Variants in CCDC171 observed in about 807,000 individuals in gnomAD.
CCDC171 encodes coiled-coil domain containing 171.
Under a neutral mutation model 168.2 loss-of-function variants are expected in CCDC171, and 177 were observed. The ratio of observed to expected loss-of-function variants is 1.05; its 90% CI spans 0.93 to 1.19. CCDC171 has a LOEUF of 1.19. CCDC171 is among the 50% of genes most tolerant of loss of function. The pLI is 0.00. For missense variants in CCDC171, 1,991 were observed against 1,539.0 expected (o/e 1.29, Z -4.91); for synonymous variants, 687 against 540.8 (o/e 1.27, Z -3.75).
intron 8 of CCDC171, among the ~76,000 whole-genome samples, chr9:15,665,889 T>G (rs1452476419): frequency 6.6e-6 from 1 of 152,246 alleles, no homozygotes; most frequent in Non-Finnish European, 1.5e-5. Context: ...TGTATCTACA[T>G]ATCTATTTTT....
At chr9:15,601,350 AT>A (rs1388840875) in intron 6 of CCDC171, among the ~76,000 whole-genome samples, 1 of 152,180 alleles carries the variant, frequency 6.6e-6, no homozygotes, top group African/African-American at 2.4e-5. Context: ...TATATATGTC[AT>A]TATTGAAAAT....
intron 12 of CCDC171, 27 bp from the exon 13 acceptor site, chr9:15,723,654 C>G (rs1026066111): frequency 6.4e-7 from 1 of 1,554,224 alleles, no homozygotes. Context: ...TTTCTTTCAT[C>G]AGCTAAACAG....
chr9:15,561,618 T>G (rs1317004764), intron 1 of CCDC171, among the ~76,000 whole-genome samples: 2 of 152,128 alleles, frequency 1.3e-5, no homozygotes, highest in African/African-American at 4.8e-5. Context: ...TCCTTGCCTT[T>G]TTACCTGGTG....
At chr9:16,051,851 T>C (rs1488310295) in intron 1 of CCDC171, among the ~76,000 whole-genome samples, 1 of 152,202 alleles carries the variant, frequency 6.6e-6, no homozygotes, top group Non-Finnish European at 1.5e-5. Flanking sequence ...GAAAGTGGAT[T>C]AATGGACTCA....
At chr9:15,628,634 T>A (rs560664131) in intron 7 of CCDC171, among the ~76,000 whole-genome samples, 62 of 152,320 alleles carry the variant, frequency 4.1e-4, no homozygotes, top group Middle Eastern at 3.4e-3. Context: ...CAGTAACCTC[T>A]GCAGACTTAA....
intron 6 of CCDC171, among the ~76,000 whole-genome samples, chr9:15,597,393 A>C (rs1335224243): frequency 6.6e-6 from 1 of 152,152 alleles, no homozygotes; most frequent in Non-Finnish European, 1.5e-5. Flanking sequence ...TTCTGCATTT[A>C]TTGAGATAAT....
intron 7 of CCDC171, among the ~76,000 whole-genome samples, chr9:15,636,258 T>A (rs1232130566): frequency 6.6e-6 from 1 of 152,254 alleles, no homozygotes; most frequent in East Asian, 1.9e-4. Flanking sequence ...TTGGCAAGGA[T>A]AAACTTCCTC....
rs2133097475 is a variant in CCDC171, at chr9:15,663,617, T to C, written c.916-2546T>C. Reference sequence around the variant, plus strand: ...AATTTTCTTTTTTTTTCTTTTTTTTTTTTTTTGAGAGGGAGTATCGCTCTG... The same window carrying C: ...AATTTTCTTTTTTTTTCTTTTTTTTCTTTTTTGAGAGGGAGTATCGCTCTG... On this transcript the variant is annotated intron_variant, in intron 8 of 25. Transcript: ENST00000380701. 2.0e-5 allele frequency among the ~76,000 whole-genome samples: 3 copies of C among 151,262 alleles called. 1 individual carries two copies. In the South Asian group the frequency reaches 6.3e-4, roughly 32 times the overall value.
chr9:15,755,872 G>A (rs2056077826), intron 18 of CCDC171, among the ~76,000 whole-genome samples: 1 of 152,108 alleles, frequency 6.6e-6, no homozygotes, highest in South Asian at 2.1e-4. Context: ...TTTAAAATTG[G>A]TTGTGGTTAT....
At chr9:15,586,702 CTGGAGATGGCGAAA>C (rs889043062) in intron 4 of CCDC171, among the ~76,000 whole-genome samples, 4 of 152,136 alleles carry the variant, frequency 2.6e-5, no homozygotes, top group Non-Finnish European at 4.4e-5. Context: ...GGTTTAATCC[CTGGAGATGGCGAAA>C]TAGAGTCTTT....
At chr9:15,959,170 T>A (rs144753307) in intron 25 of CCDC171, among the ~76,000 whole-genome samples, 288 of 152,262 alleles carry the variant, frequency 1.9e-3, no homozygotes, top group African/African-American at 5.4e-3. Context: ...GGCTGCTGAA[T>A]AGCTTTGTGT....
intron 24 of CCDC171, among the ~76,000 whole-genome samples, chr9:15,880,252 T>G (rs956397781): frequency 6.6e-6 from 1 of 152,208 alleles, no homozygotes; most frequent in African/African-American, 2.4e-5. Context: ...TAATAGTAAG[T>G]TATCAAAAAG....
intron 16 of CCDC171, among the ~76,000 whole-genome samples, chr9:15,730,017 T>G (rs1257191995): frequency 2.6e-5 from 4 of 152,048 alleles, no homozygotes; most frequent in African/African-American, 9.7e-5. Flanking sequence ...TGGAAATATA[T>G]GGGTTTCTGA....
intron 6 of CCDC171, among the ~76,000 whole-genome samples, chr9:15,614,163 G>A (rs1235365929): frequency 6.6e-6 from 1 of 152,166 alleles, no homozygotes; most frequent in Non-Finnish European, 1.5e-5. Flanking sequence ...CCTTCTCAGG[G>A]ACTAGGCTTA....
chr9:15,934,871 G>A (rs1043075040), intron 25 of CCDC171, among the ~76,000 whole-genome samples: 1 of 152,026 alleles, frequency 6.6e-6, no homozygotes, highest in African/African-American at 2.4e-5. Flanking sequence ...GATGCACTGT[G>A]AAATCGTTAT....
intron 3 of CCDC171, among the ~76,000 whole-genome samples, chr9:15,573,389 C>T (rs1042828534): frequency 6.6e-6 from 1 of 152,106 alleles, no homozygotes; most frequent in Non-Finnish European, 1.5e-5. Flanking sequence ...ATTGGAGAAT[C>T]ACTTGCCTCA....
chr9:15,652,818 A>C (rs961771931), intron 7 of CCDC171, among the ~76,000 whole-genome samples: 2 of 152,148 alleles, frequency 1.3e-5, no homozygotes, highest in Admixed American at 6.5e-5. Flanking sequence ...CAAGATTGTC[A>C]TGTTAACGTT....
intron 21 of CCDC171, among the ~76,000 whole-genome samples, chr9:15,826,479 G>A (rs982492260): frequency 6.6e-6 from 1 of 152,096 alleles, no homozygotes; most frequent in Non-Finnish European, 1.5e-5. Context: ...GGGCCTTTGT[G>A]AAGTGACAGT....
intron 21 of CCDC171, among the ~76,000 whole-genome samples, chr9:15,823,356 A>G (rs1398305498): frequency 6.6e-6 from 1 of 152,048 alleles, no homozygotes; most frequent in African/African-American, 2.4e-5. Flanking sequence ...GAAAAGGTAT[A>G]TTGTCTTGCC....
Sources: gnomAD v4.1 joint callset for allele counts (sites outside exome capture counted in the v4.1 genomes callset) on GRCh38, gnomAD v4.1.1 for gene constraint, MANE v1.5 for transcripts, NCBI Gene and HGNC (gene_info 2026-07-23, HGNC 2026-07-21) for gene names.